Variants in SNX29 observed in about 807,000 individuals in gnomAD.
SNX29 encodes the protein sorting nexin-29.
Under a neutral mutation model 102.1 loss-of-function variants are expected in SNX29, and 78 were observed. That is an observed-to-expected ratio of 0.76 (90% CI 0.64 to 0.92). The LOEUF is 0.92. Ranked by LOEUF, SNX29 falls within the 40% of genes least tolerant of loss-of-function variation. SNX29 has a pLI of 0.00. For missense variants in SNX29, 1,280 were observed against 1,061.7 expected, an observed-to-expected ratio of 1.21 and a Z score of -2.86; for synonymous variants, 580 against 414.5, an observed-to-expected ratio of 1.40 and a Z score of -4.85.
chr16:12,359,934 A>C (rs1351686662), intron 16 of SNX29, among the ~76,000 whole-genome samples: 1 of 152,072 alleles, frequency 6.6e-6, no homozygotes, highest in Non-Finnish European at 1.5e-5. Context: ...AGCAATTCTC[A>C]TGCCTCAGCC....
intron 3 of SNX29, among the ~76,000 whole-genome samples, chr16:12,021,192 T>G (rs2057009724): frequency 6.6e-6 from 1 of 152,136 alleles, no homozygotes; most frequent in Non-Finnish European, 1.5e-5. Context: ...TTTGGGAGGC[T>G]GAGGCAGGCG....
chr16:12,413,890 G>GA (rs1567539039), intron 18 of SNX29, among the ~76,000 whole-genome samples: 92 of 151,640 alleles, frequency 6.1e-4, no homozygotes, highest in African/African-American at 2.2e-3. Flanking sequence ...TCCCTTGCTT[G>GA]TCTGGGGGGG....
At chr16:12,041,258 C>G (rs186071752) in intron 4 of SNX29, among the ~76,000 whole-genome samples, 117 of 152,158 alleles carry the variant, frequency 7.7e-4, no homozygotes, top group Non-Finnish European at 1.5e-3. Context: ...ATTACAGGTG[C>G]CTGCCACCAT....
chr16:12,563,243 C>G (rs1341053290), intron 20 of SNX29, among the ~76,000 whole-genome samples: 1 of 152,082 alleles, frequency 6.6e-6, no homozygotes, highest in Non-Finnish European at 1.5e-5. Flanking sequence ...TCCCCATCAT[C>G]ACTGACCCCG....
chr16:12,244,126 C>G (rs2078192546), intron 14 of SNX29, among the ~76,000 whole-genome samples: 1 of 152,146 alleles, frequency 6.6e-6, no homozygotes, highest in South Asian at 2.1e-4. Flanking sequence ...CACCTCTGAT[C>G]TGACAGGAGG....
At chr16:12,436,843 G>A (rs533963856) in intron 18 of SNX29, among the ~76,000 whole-genome samples, 2 of 152,346 alleles carry the variant, frequency 1.3e-5, no homozygotes, top group South Asian at 4.1e-4. Flanking sequence ...AGTAGAGATG[G>A]GGTTTTGCCA....
At chr16:12,371,081 G>T (rs541176608) in intron 16 of SNX29, among the ~76,000 whole-genome samples, 1 of 152,230 alleles carries the variant, frequency 6.6e-6, no homozygotes, top group African/African-American at 2.4e-5. Context: ...TCAGAGTTCA[G>T]ATGGTGTTCT....
chr16:12,572,243 G>T lies in SNX29; in HGVS notation c.*3614G>T. 2.9e-6 allele frequency: 3 copies of T among 1,045,924 alleles called. No individual in the cohort carries two copies. Among genetic ancestry groups the T allele is most frequent in the Non-Finnish European group, 3.5e-6 (3 of 862,182 alleles). The allele number at this position is 1,045,924 out of a possible 1,614,324, so 64.8% of individuals were successfully genotyped here. On this transcript the variant is annotated 3_prime_UTR_variant, in exon 21 of 21. Transcript: ENST00000566228. ...GGCTCCTGAAAGTCGTTTACACCAG[G>T]TGGATTGATACCATGGCTGTAGCTG...
chr16:12,503,212 G>C (rs77096862), intron 19 of SNX29, among the ~76,000 whole-genome samples: 10,993 of 152,012 alleles, frequency 0.072, 842 homozygotes, highest in African/African-American at 0.19. Context: ...CTTCCAGTTC[G>C]TCCTCCTTTT....
At chr16:12,432,549 G>A (rs1204783816) in intron 18 of SNX29, among the ~76,000 whole-genome samples, 2 of 152,214 alleles carry the variant, frequency 1.3e-5, no homozygotes, top group Non-Finnish European at 2.9e-5. Context: ...TAAGAAGGGG[G>A]ATGGCAGGAA....
intron 1 of SNX29, among the ~76,000 whole-genome samples, chr16:11,997,139 A>T (rs140410612): frequency 6.6e-6 from 1 of 152,138 alleles, no homozygotes; most frequent in Non-Finnish European, 1.5e-5. Flanking sequence ...TGTGACTGAC[A>T]TCTGCCCGCC....
chr16:12,003,515 G>A (rs1596565276), intron 3 of SNX29, among the ~76,000 whole-genome samples: 1 of 152,066 alleles, frequency 6.6e-6, no homozygotes, highest in African/African-American at 2.4e-5. Flanking sequence ...TAGTAAAAAG[G>A]CATATGTTAT....
At chr16:12,476,429 T>TC (rs1443924867) in intron 18 of SNX29, among the ~76,000 whole-genome samples, 1 of 88,574 alleles carries the variant, frequency 1.1e-5, no homozygotes, top group Non-Finnish European at 2.1e-5. Flanking sequence ...TATATATATA[T>TC]ATATATATAT....
chr16:12,048,769 A>AT, intron 7 of SNX29, 149 bp downstream of exon 7: 1 of 1,382,278 alleles, frequency 7.2e-7, no homozygotes, highest in Non-Finnish European at 1.0e-6. Context: ...TCTCATCCTC[A>AT]TTCACTCTGA....
At chr16:12,398,386 T>G in intron 16 of SNX29, 60 bp from the exon 17 acceptor site, 2 of 1,570,264 alleles carry the variant, frequency 1.3e-6, no homozygotes, top group Non-Finnish European at 1.8e-6. Context: ...TCTGTGATTA[T>G]GCAAACCATG....
At chr16:12,301,798 G>T (rs1004045210) in intron 15 of SNX29, among the ~76,000 whole-genome samples, 1 of 152,108 alleles carries the variant, frequency 6.6e-6, no homozygotes, top group Non-Finnish European at 1.5e-5. Flanking sequence ...CTCTAGTCGC[G>T]GTTTGCCTTG....
chr16:12,381,195 C>CCACCCACCCACCATCCACCTACA (rs1491531795), intron 16 of SNX29, among the ~76,000 whole-genome samples: 3 of 11,310 alleles, frequency 2.7e-4, no homozygotes, highest in African/African-American at 2.2e-3. Context: ...ATCCACCCAC[C>CCACCCACCCACCATCCACCTACA]GACCCACCTA....
At chr16:12,555,231 A>C (rs2078256687) in intron 20 of SNX29, among the ~76,000 whole-genome samples, 1 of 151,656 alleles carries the variant, frequency 6.6e-6, no homozygotes, top group Non-Finnish European at 1.5e-5. Flanking sequence ...TACAGGGAGA[A>C]ATGGAGGTGA....
chr16:12,491,545 A>G (rs1180662036), intron 19 of SNX29, among the ~76,000 whole-genome samples: 1 of 151,460 alleles, frequency 6.6e-6, no homozygotes, highest in African/African-American at 2.4e-5. Context: ...TTTTATTATT[A>G]TACTTTAAGT....
Sources: gnomAD v4.1 joint callset for allele counts (sites outside exome capture counted in the v4.1 genomes callset) on GRCh38, gnomAD v4.1.1 for gene constraint, MANE v1.5 for transcripts, NCBI Gene and HGNC (gene_info 2026-07-23, HGNC 2026-07-21) for gene names.